The following VWA2 variants were observed in gnomAD, a reference collection of about 807,000 sequenced individuals.
VWA2 encodes von Willebrand factor A domain-containing protein 2.
VWA2 carries 73 observed loss-of-function variants against 70.4 expected under a neutral mutation model. That is an observed-to-expected ratio of 1.04 (90% CI 0.86 to 1.26). The LOEUF (loss-of-function observed/expected upper bound fraction) is 1.26. Among genes scored for constraint, VWA2 ranks in the 50% most tolerant of loss-of-function variants. VWA2 has a pLI of 0.00. For missense variants in VWA2, 1,011 were observed against 998.5 expected (o/e 1.01, Z -0.17); for synonymous variants, 407 against 423.3 (o/e 0.96, Z 0.47).
chr10:114,261,105 AC>A, intron 4 of VWA2, 80 bp from the exon 5 acceptor site: 2 of 1,023,078 alleles, frequency 2.0e-6, no homozygotes, highest in Non-Finnish European at 3.0e-6. Context: ...AGGGTTGTTA[AC>A]TTTTCTTGCC....
chr10:114,279,203 G>A (rs1293179857), intron 8 of VWA2, among the ~76,000 whole-genome samples: 1 of 152,132 alleles, frequency 6.6e-6, no homozygotes, highest in Non-Finnish European at 1.5e-5. Flanking sequence ...CCACATTATG[G>A]GGGCTGAGTG....
Position 114,292,964 on chromosome 10 carries a change from C to T in VWA2, c.*1727C>T, listed in dbSNP as rs1041662009. On this transcript the variant is annotated 3_prime_UTR_variant, in exon 14 of 14. Transcript: ENST00000392982. Reference sequence around the variant, plus strand: ...TCAGGTGATCCCCCTGCCTTGGCCTCCCAAAGTTCTGGGATTACAGGGGTG... The same window carrying T: ...TCAGGTGATCCCCCTGCCTTGGCCTTCCAAAGTTCTGGGATTACAGGGGTG... 1.3e-5 allele frequency among the ~76,000 whole-genome samples: 2 copies of T among 152,178 alleles called. No homozygotes were observed. The highest frequency in any genetic ancestry group is 2.4e-5 in the African/African-American group (1 of 41,442).
chr10:114,246,208 A>G (rs2037063397), intron 1 of VWA2: 1 of 1,100,346 alleles, frequency 9.1e-7, no homozygotes, highest in Non-Finnish European at 1.4e-6. Flanking sequence ...ACAAAAGAAT[A>G]TCACGGGTTG....
At chr10:114,287,789 C>T (rs1486019481) in intron 11 of VWA2, among the ~76,000 whole-genome samples, 1 of 152,138 alleles carries the variant, frequency 6.6e-6, no homozygotes, top group African/African-American at 2.4e-5. Flanking sequence ...CTATTAACAC[C>T]TTGCATTAGT....
In VWA2 at chr10:114,282,589, G is replaced by C; in HGVS notation, c.889+18G>C. ...CTGCCCAGGTATGGTCTGTCTCTTG[G>C]ATTTACAGGTTCTTTCAGGGCCCTG... On this transcript the variant is annotated intron_variant, in intron 9 of 13. Transcript: ENST00000392982. The C allele has an allele frequency of 6.2e-7, 1 of 1,613,144 alleles. No homozygotes were observed.
At chr10:114,264,517 A>G (rs924694786) in intron 5 of VWA2, among the ~76,000 whole-genome samples, 1 of 151,588 alleles carries the variant, frequency 6.6e-6, no homozygotes, top group Non-Finnish European at 1.5e-5. Flanking sequence ...TCCTAGGTTC[A>G]CACCATTCTC....
intron 5 of VWA2, among the ~76,000 whole-genome samples, 195 bp downstream of exon 5, chr10:114,261,490 T>G (rs2037444586): frequency 6.6e-6 from 1 of 152,116 alleles, no homozygotes; most frequent in Non-Finnish European, 1.5e-5. Context: ...ATGTCCCAGG[T>G]AGGAATTTAA....
At chr10:114,282,343 C>T (rs1245698909) in intron 8 of VWA2, among the ~76,000 whole-genome samples, 173 bp from the exon 9 acceptor site, 1 of 152,124 alleles carries the variant, frequency 6.6e-6, no homozygotes, top group Non-Finnish European at 1.5e-5. Context: ...GAAACATTCC[C>T]TACTCTATGT....
rs747585409 is a variant in VWA2, at chr10:114,272,831, A to T, written c.463A>T (p.Ile155Phe). 2.5e-6 allele frequency: 4 copies of T among 1,613,992 alleles called. No homozygotes were observed. The highest frequency in any genetic ancestry group is 3.4e-6 in the Non-Finnish European group (4 of 1,180,018). Residue 155 changes from isoleucine to phenylalanine, a missense_variant, in exon 6 of 14, where the codon ATC (isoleucine) becomes TTC (phenylalanine). By Grantham distance (21) the Ile-to-Phe change is conservative. Transcript: ENST00000392982. ...AAATGCTTCTGTGCCCCAGATCCTC[A>T]TCATCGTCACTGATGGGAAGTCCCA... ...GRNASVPQIL[I>F]IVTDGKSQGD...
chr10:114,240,799 CT>C (rs1363753416), intron 1 of VWA2, among the ~76,000 whole-genome samples: 1 of 152,172 alleles, frequency 6.6e-6, no homozygotes, highest in East Asian at 1.9e-4. Flanking sequence ...CCTTACTCTT[CT>C]TTTGTAAAAT....
chr10:114,279,089 G>A (rs985819895), intron 8 of VWA2, among the ~76,000 whole-genome samples: 3 of 152,172 alleles, frequency 2.0e-5, no homozygotes, highest in African/African-American at 7.2e-5. Flanking sequence ...CAGGGTCACA[G>A]GCATTCTGGA....
rs76897041 is a variant in VWA2 at position 114,272,812 on chromosome 10, T to C, written c.444T>C (p.Ala148=). 1,387 of 1,613,982 alleles carry C rather than the reference T, an allele frequency of 8.6e-4. 11 individuals carry two copies. In the African/African-American group the frequency reaches 0.017, roughly 20 times the overall value. ...LHRGLPGGRN[A]SVPQILIIVT... ...GAGGGTTGCCTGGAGGCAGAAATGC[T>C]TCTGTGCCCCAGATCCTCATCATCG... Residue 148 remains alanine (A), a synonymous_variant, in exon 6 of 14, where the codon GCT becomes GCC. Transcript: ENST00000392982.
rs1466225514 is a variant in VWA2 at position 114,291,332 on chromosome 10, T to G, written c.*95T>G. 1.1e-5 allele frequency: 16 copies of G among 1,400,386 alleles called. No individual in the cohort carries two copies. Among genetic ancestry groups the G allele is most frequent in the Non-Finnish European group, 1.9e-6 (2 of 1,046,054 alleles). The allele number at this position is 1,400,386 out of a possible 1,614,324, so 86.7% of individuals were successfully genotyped here. On this transcript the variant is annotated 3_prime_UTR_variant, in exon 14 of 14. Coordinates refer to ENST00000392982, the MANE Select transcript of VWA2 (RefSeq NM_001272046.2). Reference sequence around the variant, plus strand: ...CTGAAATGGTGCCTACCTTCTGGAATGTCTGTGCCCCAGGTCCTTAGAATG... The same window carrying G: ...CTGAAATGGTGCCTACCTTCTGGAAGGTCTGTGCCCCAGGTCCTTAGAATG...
intron 9 of VWA2, 25 bp downstream of exon 9, chr10:114,282,596 A>AGG: frequency 6.2e-7 from 1 of 1,605,374 alleles, no homozygotes; most frequent in Non-Finnish European, 8.5e-7. Context: ...TTGGATTTAC[A>AGG]GGTTCTTTCA....
chr10:114,241,491 C>T lies in VWA2; in HGVS notation c.-11+1922C>T, dbSNP rs559294519. ...CTTTCTCAGATTGGTGTCTTTCGCT[C>T]GGTAATATACACTGACATTTCCCCT... On this transcript the variant is annotated intron_variant, in intron 1 of 13. Transcript: ENST00000392982. Among the ~76,000 whole-genome samples the T allele has an allele frequency of 1.0e-3, 159 of 152,240 alleles. 3 individuals carry two copies. In the South Asian group the frequency reaches 0.031, roughly 30 times the overall value.
chr10:114,282,987 CTAGTGAAGATTCA>C (rs1204443097), intron 9 of VWA2, among the ~76,000 whole-genome samples: 12 of 152,206 alleles, frequency 7.9e-5, no homozygotes, highest in Middle Eastern at 3.2e-3. Context: ...ATATGAGGTC[CTAGTGAAGATTCA>C]GTAGATAATG....
intron 5 of VWA2, 136 bp downstream of exon 5, chr10:114,261,431 T>C (rs952472676): frequency 1.0e-5 from 6 of 581,374 alleles, no homozygotes; most frequent in African/African-American, 7.5e-5. Context: ...TGGGCACAGT[T>C]GGTCACATGA....
intron 11 of VWA2, among the ~76,000 whole-genome samples, chr10:114,287,822 G>T (rs1312684339): frequency 6.6e-6 from 1 of 152,170 alleles, no homozygotes; most frequent in Non-Finnish European, 1.5e-5. Flanking sequence ...TATCATTAAT[G>T]AACCAGTATT....
chr10:114,294,058 T>TATC lies in VWA2; in HGVS notation c.*2822_*2824dup, dbSNP rs2039843370. ...CCTCAAGATAATGCATTTTTTGTAT[T>TATC]ATCTGTTAATGTGATAGGTTATCCA... On this transcript the variant is annotated 3_prime_UTR_variant, in exon 14 of 14. Coordinates refer to ENST00000392982, the MANE Select transcript of VWA2 (RefSeq NM_001272046.2). Among the ~76,000 whole-genome samples the TATC allele has an allele frequency of 6.6e-6, 1 of 152,224 alleles. No homozygotes were observed. The highest frequency in any genetic ancestry group is 2.4e-5 in the African/African-American group (1 of 41,460).
Sources: allele counts gnomAD v4.1 joint callset (sites outside exome capture counted in the v4.1 genomes callset), GRCh38; gene constraint gnomAD v4.1.1; transcripts MANE v1.5; gene names NCBI Gene and HGNC (gene_info 2026-07-23, HGNC 2026-07-21).